FASN: variants seen among roughly 807,000 people sequenced by gnomAD.
FASN encodes the protein fatty acid synthase.
A neutral mutation model predicts 250.0 loss-of-function variants in FASN; 50 were observed. The ratio of observed to expected loss-of-function variants is 0.20; its 90% CI spans 0.16 to 0.25. The LOEUF (loss-of-function observed/expected upper bound fraction) is 0.25. FASN is among the 10% of genes least tolerant of loss of function. FASN has a pLI of 1.00. For missense variants in FASN, 3,031 were observed against 3,498.5 expected (o/e 0.87, Z 3.37); for synonymous variants, 1,909 against 1,584.0 (o/e 1.21, Z -4.87).
Position 82,086,320 on chromosome 17 carries a change from C to T in FASN, c.3666G>A (p.Pro1222=), listed in dbSNP as rs367546956. ...CAGTGTCCAGGCAGGCCTTGAGTGC[C>T]GGGGAGTCCAGGAGGCCGCTGAGCA... ...DPLLSGLLDS[P]ALKACLDTAV... is the part of the protein sequence containing the mutation. The change falls in exon 22 of 43, where the codon CCG becomes CCA. Residue 1222 remains proline, a synonymous_variant. Transcript: ENST00000306749. The T allele has an allele frequency of 8.7e-6, 14 of 1,603,070 alleles. No individual in the cohort carries two copies. The highest frequency in any genetic ancestry group is 1.7e-4 in the Middle Eastern group (1 of 6,008).
chr17:82,094,941 G>C (rs1410099620), intron 3 of FASN, among the ~76,000 whole-genome samples: 1 of 145,766 alleles, frequency 6.9e-6, no homozygotes, highest in Admixed American at 6.7e-5. Context: ...AGGGTGGGAG[G>C]GGAGAGACAG....
chr17:82,080,293 A>G, intron 40 of FASN, 55 bp from the exon 41 acceptor site: 1 of 1,611,152 alleles, frequency 6.2e-7, no homozygotes, highest in East Asian at 2.2e-5. Context: ...CTCCTAAGCG[A>G]CGGTCCCCCA....
In FASN at chr17:82,095,651, G is replaced by T. The variant is rs533273766; in HGVS notation, c.128-179C>A. The stretch of plus-strand genomic sequence containing the variant: ...GGGAAGACCATGGCCCCAAAGCGGG[G>T]ACTGGTACGACCAGATCTGCTGCAC... On this transcript the variant is annotated intron_variant, in intron 2 of 42. Transcript: ENST00000306749. 2.6e-5 allele frequency among the ~76,000 whole-genome samples: 4 copies of T among 152,348 alleles called. No individual in the cohort carries two copies. In the East Asian group the frequency reaches 7.7e-4, roughly 29 times the overall value.
Position 82,089,188 on chromosome 17 carries a change from G to C in FASN, c.2101-16C>G, listed in dbSNP as rs1186929665. 1.3e-6 allele frequency: 2 copies of C among 1,595,324 alleles called. No individual in the cohort carries two copies. The highest frequency in any genetic ancestry group is 2.7e-5 in the African/African-American group (2 of 74,260). ...CCCGGATCACCTGCATGAGGGGCCAGGTCAGTGCTGGGTTGTGGGTCCCCT... is the reference window on the plus strand; with the variant it reads ...CCCGGATCACCTGCATGAGGGGCCACGTCAGTGCTGGGTTGTGGGTCCCCT... On this transcript the variant is annotated splice_polypyrimidine_tract_variant and intron_variant, in intron 13 of 42. Coordinates refer to ENST00000306749, the MANE Select transcript of FASN (RefSeq NM_004104.5).
chr17:82,082,447 T>G, intron 34 of FASN, 33 bp from the exon 35 acceptor site: 1 of 1,612,190 alleles, frequency 6.2e-7, no homozygotes, highest in Non-Finnish European at 8.5e-7. Context: ...TCCCTGCAGC[T>G]CCAGGGCCTC....
rs888926872 is a variant in FASN, at chr17:82,090,288, G to T, written c.1870+87C>A. On this transcript the variant is annotated intron_variant, in intron 11 of 42. Transcript: ENST00000306749. ...GCGGGGGCCACTCTATCCTACGGGG[G>T]CCAGGCCAGGGCTGCAGGTGAGGAC... 6.6e-6 allele frequency: 9 copies of T among 1,365,758 alleles called. No homozygotes were observed. The African/African-American group carries it at 1.2e-4, about 18-fold the overall frequency. The allele number at this position is 1,365,758 out of a possible 1,614,324, so 84.6% of individuals were successfully genotyped here.
chr17:82,082,868 GC>G (rs779819137), intron 33 of FASN, 45 bp downstream of exon 33: 4 of 1,601,304 alleles, frequency 2.5e-6, no homozygotes, highest in Non-Finnish European at 3.4e-6. Context: ...GGGGCCCGGG[GC>G]TGTGCCTGGC....
chr17:82,085,767 G>A lies in FASN; in HGVS notation c.3837C>T (p.Ala1279=). The A allele has an allele frequency of 6.4e-7, 1 of 1,564,812 alleles. No individual in the cohort carries two copies. The highest frequency in any genetic ancestry group is 8.7e-7 in the Non-Finnish European group (1 of 1,154,990). ...SYTATDRHPQ[A]LEAAQAELQQ... ...GCAGCTCGGCCTGGGCAGCCTCCAGGGCCTGGGGGTGGCGGTCGGTGGCCG... is the reference window on the plus strand; with the variant it reads ...GCAGCTCGGCCTGGGCAGCCTCCAGAGCCTGGGGGTGGCGGTCGGTGGCCG... Residue 1279 remains alanine, a synonymous_variant, in exon 23 of 43, where the codon GCC becomes GCT. Transcript: ENST00000306749.
At chr17:82,079,900 G>A (rs777876836) in intron 41 of FASN, 30 of 625,840 alleles carry the variant, frequency 4.8e-5, no homozygotes, top group Non-Finnish European at 7.8e-5. Context: ...TAGAGAAGGG[G>A]TTTCTCCACG....
rs769394598 is a variant in FASN, at chr17:82,087,857, C to T, written c.2871G>A (p.Lys957=). 6.2e-7 allele frequency: 1 copy of T among 1,612,492 alleles called. No homozygotes were observed. The highest frequency in any genetic ancestry group is 8.5e-7 in the Non-Finnish European group (1 of 1,179,884). Residue 957 remains lysine, a synonymous_variant, in exon 19 of 43, where the codon AAG becomes AAA. Coordinates refer to ENST00000306749, the MANE Select transcript of FASN (RefSeq NM_004104.5). ...SENGNLVVSG[K]VYQWDDPDPR... ...GGTCAGGGTCATCCCACTGGTACAC[C>T]TTCCCTGTGGAAAGGGAGGTGCGGA...
In FASN at chr17:82,094,799, A is replaced by C. The variant is rs2034275795; in HGVS notation, c.280+521T>G. 2.0e-5 allele frequency among the ~76,000 whole-genome samples: 3 copies of C among 151,492 alleles called. No homozygotes were observed. In the East Asian group the frequency reaches 5.8e-4, roughly 29 times the overall value. On this transcript the variant is annotated intron_variant, in intron 3 of 42. Transcript: ENST00000306749. ...TGAGACTCCGTCTTAAAAATAAATAAATAAATAAAAATAAAAATAAAAAAA... is the reference window on the plus strand; with the variant it reads ...TGAGACTCCGTCTTAAAAATAAATACATAAATAAAAATAAAAATAAAAAAA...
chr17:82,083,233 T>C lies in FASN; in HGVS notation c.5534A>G (p.Gln1845Arg). The C allele has an allele frequency of 1.2e-6, 2 of 1,612,708 alleles. No individual in the cohort carries two copies. Among genetic ancestry groups the C allele is most frequent in the Non-Finnish European group, 1.7e-6 (2 of 1,179,968 alleles). ...QVEDAFRYMA[Q>R]GKHIGKVVVQ... ...GACGACTTTGCCAATGTGCTTCCCTTGGGCCATGTAGCGGAAGGCGTCCTC... is the reference window on the plus strand; with the variant it reads ...GACGACTTTGCCAATGTGCTTCCCTCGGGCCATGTAGCGGAAGGCGTCCTC... The change falls in exon 32 of 43, where the codon CAA becomes CGA. Residue 1845 changes from glutamine (Q) to arginine (R), a missense_variant. Gln to Arg is a conservative substitution (Grantham distance 43). Coordinates refer to ENST00000306749, the MANE Select transcript of FASN (RefSeq NM_004104.5).
At chr17:82,094,883 G>A (rs1461793323) in intron 3 of FASN, among the ~76,000 whole-genome samples, 1 of 151,104 alleles carries the variant, frequency 6.6e-6, no homozygotes, top group Non-Finnish European at 1.5e-5. Flanking sequence ...GCTGGCGGGA[G>A]AGGGTTGAAA....
intron 34 of FASN, 23 bp downstream of exon 34, chr17:82,082,503 GC>G: frequency 6.2e-7 from 1 of 1,609,422 alleles, no homozygotes. Context: ...GCTTTTGAGG[GC>G]CCCATTTGGG....
intron 23 of FASN, 26 bp downstream of exon 23, chr17:82,085,456 C>A: frequency 6.3e-7 from 1 of 1,591,706 alleles, no homozygotes; most frequent in East Asian, 2.3e-5. Context: ...CGGCCCCCAC[C>A]CTGTCCCCCT....
intron 38 of FASN, 32 bp from the exon 39 acceptor site, chr17:82,080,954 C>A: frequency 6.4e-7 from 1 of 1,563,632 alleles, no homozygotes; most frequent in South Asian, 1.2e-5. Flanking sequence ...CCAGGCTGGT[C>A]TGGGTGCAGA....
At chr17:82,093,100 G>C (rs1192521840) in intron 5 of FASN, 81 bp from the exon 6 acceptor site, 2 of 1,585,250 alleles carry the variant, frequency 1.3e-6, no homozygotes, top group Non-Finnish European at 1.7e-6. Flanking sequence ...GGGGTGTGGG[G>C]TGGGTGCTTG....
rs369642395 is a variant in FASN at position 82,085,575 on chromosome 17, G to C, written c.4029C>G (p.Leu1343=). The change falls in exon 23 of 43, where the codon CTC becomes CTG. Residue 1343 remains leucine, a synonymous_variant. Coordinates refer to ENST00000306749, the MANE Select transcript of FASN (RefSeq NM_004104.5). ...VAALREGGFL[L]LHTLLRGHPL... ...GGTGCCCCCGGAGCAGTGTGTGCAG[G>C]AGCAGAAAGCCCCCTTCTCTCAGGG... 1 of 1,596,652 alleles carries C rather than the reference G, an allele frequency of 6.3e-7. No individual in the cohort carries two copies.
rs199919989 is a variant in FASN, at chr17:82,082,342, C to T, written c.5992G>A (p.Gly1998Ser). Residue 1998 changes from glycine to serine, a missense_variant, in exon 35 of 43, where the codon GGC (glycine) becomes AGC (serine). Physicochemically the swap from Gly to Ser is moderately conservative, Grantham distance 56 (BLOSUM62 0). Coordinates refer to ENST00000306749, the MANE Select transcript of FASN (RefSeq NM_004104.5). ...ACCCACCTGTCCAGGTTCAGGGTGC[C>T]GCTGTACTTGGGCTTGCAGACGTCC... ...FQDVCKPKYSGTLNLDRVTRE... is the reference protein window; with the variant it reads ...FQDVCKPKYSSTLNLDRVTRE... 27 of 1,612,792 alleles carry T rather than the reference C, an allele frequency of 1.7e-5. No homozygotes were observed. The highest frequency in any genetic ancestry group is 1.5e-4 in the African/African-American group (11 of 75,054).
Sources: gnomAD v4.1 joint callset for allele counts (sites outside exome capture counted in the v4.1 genomes callset) on GRCh38, gnomAD v4.1.1 for gene constraint, MANE v1.5 for transcripts, NCBI Gene and HGNC (gene_info 2026-07-23, HGNC 2026-07-21) for gene names.